Variants in AOC1 observed in about 807,000 individuals in gnomAD.
The protein encoded by AOC1 is diamine oxidase [copper-containing].
Under a neutral mutation model 57.1 loss-of-function variants are expected in AOC1, and 58 were observed. The observed-to-expected ratio is 1.02, with a 90% confidence interval of 0.82 to 1.26. The LOEUF (loss-of-function observed/expected upper bound fraction) is 1.26. Ranked by LOEUF, AOC1 falls within the 50% of genes most tolerant of loss-of-function variation. AOC1 has a pLI of 0.00. For missense variants in AOC1, 917 were observed against 1,005.3 expected (o/e 0.91, Z 1.19); for synonymous variants, 401 against 423.4 (o/e 0.95, Z 0.65).
In AOC1 at chr7:150,857,798, C is replaced by A. The variant is rs766971033; in HGVS notation, c.1328C>A (p.Ala443Glu). Reference protein sequence around the residue: ...SNFKGGFNFYAGLKGQVLVLR... With the variant: ...SNFKGGFNFYEGLKGQVLVLR... ...TTTAAAGGTGGCTTCAACTTCTATGCGGGGCTGAAGGGCCAGGTGCTGGTG... is the reference window on the plus strand; with the variant it reads ...TTTAAAGGTGGCTTCAACTTCTATGAGGGGCTGAAGGGCCAGGTGCTGGTG... Residue 443 changes from alanine (A) to glutamate (E), a missense_variant, in exon 2 of 5, where the codon GCG becomes GAG. Physicochemically the swap from Ala to Glu is moderately radical, Grantham distance 107. Coordinates refer to ENST00000360937, the MANE Select transcript of AOC1 (RefSeq NM_001091.4). The surrounding 1 kb of genome is among the most constrained non-coding windows in gnomAD (Gnocchi z 6.6). 2.5e-6 allele frequency: 4 copies of A among 1,614,206 alleles called. No homozygotes were observed. Among genetic ancestry groups the A allele is most frequent in the Non-Finnish European group, 3.4e-6 (4 of 1,180,006 alleles).
intron 3 of AOC1, 91 bp from the exon 4 acceptor site, chr7:150,860,410 C>T: frequency 6.3e-7 from 1 of 1,597,374 alleles, no homozygotes; most frequent in Non-Finnish European, 8.5e-7. Flanking sequence ...AATCATCTTC[C>T]TCTATTCTGA....
intron 2 of AOC1, 40 bp from the exon 3 acceptor site, chr7:150,858,723 C>T (rs1258033102): frequency 1.3e-6 from 2 of 1,553,464 alleles, no homozygotes; most frequent in African/African-American, 1.4e-5. Context: ...TCAGTTCTGG[C>T]AGCTTGATTC....
At position 150,856,434 on chromosome 7, in the gene AOC1, A is replaced by T. The variant is rs777872837; in HGVS notation, c.-16-21A>T. 38 of 1,575,652 alleles carry T rather than the reference A, an allele frequency of 2.4e-5. No individual in the cohort carries two copies. Among genetic ancestry groups the T allele is most frequent in the Non-Finnish European group, 3.3e-5 (38 of 1,164,614 alleles). On this transcript the variant is annotated intron_variant, in intron 1 of 4. Coordinates refer to ENST00000360937, the MANE Select transcript of AOC1 (RefSeq NM_001091.4). The surrounding 1 kb of genome is among the most constrained non-coding windows in gnomAD (Gnocchi z 5.2). ...CTCTGCCCATAAGACAACTAAGTTC[A>T]TCTCCTCTATTGCATTCCAGAGCCG...
chr7:150,858,664 C>T, intron 2 of AOC1, 99 bp from the exon 3 acceptor site: 1 of 1,286,880 alleles, frequency 7.8e-7, no homozygotes, highest in Non-Finnish European at 1.1e-6. Context: ...AGACAGTTGG[C>T]TGTTGGATGT....
chr7:150,857,856 T>G lies in AOC1; in HGVS notation c.1386T>G (p.Asp462Glu). The G allele has an allele frequency of 6.2e-7, 1 of 1,613,886 alleles. No individual in the cohort carries two copies. Among genetic ancestry groups the G allele is most frequent in the Non-Finnish European group, 8.5e-7 (1 of 1,179,802 alleles). Residue 462 changes from aspartate (D) to glutamate (E), a missense_variant, in exon 2 of 5, where the codon GAT (aspartate) becomes GAG (glutamate). Coordinates refer to ENST00000360937, the MANE Select transcript of AOC1 (RefSeq NM_001091.4). This position sits in a 1 kb window ranked among gnomAD's most constrained non-coding sequence, Gnocchi z 6.6. ...CAACTTCAACTGTCTACAATTATGA[T>G]TACATTTGGGACTTTATCTTCTACC... ...LRTTSTVYNYDYIWDFIFYPN... is the reference protein window; with the variant it reads ...LRTTSTVYNYEYIWDFIFYPN...
At chr7:150,858,547 G>A (rs1461427395) in intron 2 of AOC1, among the ~76,000 whole-genome samples, 1 of 152,148 alleles carries the variant, frequency 6.6e-6, no homozygotes, top group African/African-American at 2.4e-5. Flanking sequence ...CTCTAGGATT[G>A]CAGCCACAGC....
chr7:150,855,870 C>CAAA (rs1460671836), intron 1 of AOC1, among the ~76,000 whole-genome samples: 1 of 151,384 alleles, frequency 6.6e-6, no homozygotes, highest in Non-Finnish European at 1.5e-5. Context: ...TCATTATTTT[C>CAAA]ATTTTAAAAC....
intron 1 of AOC1, among the ~76,000 whole-genome samples, chr7:150,853,699 T>TATATA (rs1554412931): frequency 4.1e-4 from 47 of 115,860 alleles, no homozygotes; most frequent in African/African-American, 7.3e-4. Context: ...ATATATATAT[T>TATATA]TATTTATTTA....
chr7:150,855,356 AG>A (rs1349800330), intron 1 of AOC1, among the ~76,000 whole-genome samples: 1 of 152,224 alleles, frequency 6.6e-6, no homozygotes, highest in Non-Finnish European at 1.5e-5. Context: ...ACAGCGCAAC[AG>A]GCAAGAGTAA....
chr7:150,860,668 C>T, intron 4 of AOC1, 35 bp downstream of exon 4: 3 of 1,601,292 alleles, frequency 1.9e-6, no homozygotes, highest in Non-Finnish European at 2.6e-6. Context: ...CCGGTGCTGG[C>T]CCTGCCTCCT....
At chr7:150,858,644 C>T (rs1008178649) in intron 2 of AOC1, 119 bp from the exon 3 acceptor site, 4 of 1,132,870 alleles carry the variant, frequency 3.5e-6, no homozygotes, top group East Asian at 2.5e-5. Context: ...CCCAACATCC[C>T]GGTTATTCAA....
At chr7:150,853,354 G>A (rs926827772) in intron 1 of AOC1, among the ~76,000 whole-genome samples, 1 of 152,086 alleles carries the variant, frequency 6.6e-6, no homozygotes, top group Non-Finnish European at 1.5e-5. Context: ...TGTAGGGGCT[G>A]TGAGTATACA....
At chr7:150,854,247 G>A (rs1563087912) in intron 1 of AOC1, 1 of 152,190 alleles carries the variant, frequency 6.6e-6, no homozygotes, top group African/African-American at 2.4e-5. Flanking sequence ...GGCAACTAGA[G>A]GGACATCCCC....
intron 3 of AOC1, among the ~76,000 whole-genome samples, chr7:150,859,420 C>G (rs914733170): frequency 2.6e-5 from 4 of 151,966 alleles, no homozygotes; most frequent in Non-Finnish European, 5.9e-5. Flanking sequence ...TAATAAAATC[C>G]TGGCCGGGCA....
chr7:150,859,702 CAA>C (rs71196733), intron 3 of AOC1: 2,542 of 103,942 alleles, frequency 0.024, 79 homozygotes, highest in African/African-American at 0.084. Context: ...GACTAGTTCT[CAA>C]AAAAAAAAAA....
intron 1 of AOC1, among the ~76,000 whole-genome samples, chr7:150,853,555 T>C (rs1418215156): frequency 6.7e-6 from 1 of 149,202 alleles, no homozygotes; most frequent in East Asian, 1.9e-4. Context: ...AAAAGTCTAT[T>C]AAAAAAAAAG....
chr7:150,858,511 T>C (rs1014112204), intron 2 of AOC1, among the ~76,000 whole-genome samples: 1 of 152,088 alleles, frequency 6.6e-6, no homozygotes, highest in Non-Finnish European at 1.5e-5. Context: ...GAGCCTCCCA[T>C]GCCTGGAGAA....
chr7:150,856,314 A>G lies in AOC1; in HGVS notation c.-16-141A>G. 9.0e-7 allele frequency: 1 copy of G among 1,108,676 alleles called. No homozygotes were observed. The highest frequency in any genetic ancestry group is 1.3e-6 in the Non-Finnish European group (1 of 799,904). The allele number at this position is 1,108,676 out of a possible 1,614,324, so 68.7% of individuals were successfully genotyped here. On this transcript the variant is annotated intron_variant, in intron 1 of 4. Transcript: ENST00000360937. This position sits in a 1 kb window ranked among gnomAD's most constrained non-coding sequence, Gnocchi z 5.2. ...CGCTGGGGACTATGCATGGGGCCCC[A>G]GCTGCCCCAGGACAGCCTCCAGCTT... is the stretch of plus-strand genomic sequence containing the variant.
chr7:150,858,861 ACGCAGTACTCCTGGGAGCGCCAGG>A lies in AOC1; in HGVS notation c.1672_1695del (p.Gln558_Ala565del), dbSNP rs1330800752. 6 of 1,613,924 alleles carry A rather than the reference ACGCAGTACTCCTGGGAGCGCCAGG, an allele frequency of 3.7e-6. No homozygotes were observed. The highest frequency in any genetic ancestry group is 5.1e-6 in the Non-Finnish European group (6 of 1,179,948). On this transcript the variant is annotated inframe_deletion, in exon 3 of 5. Coordinates refer to ENST00000360937, the MANE Select transcript of AOC1 (RefSeq NM_001091.4). ...CGTGGTCCAGCCAACTCTGGAGCAG[ACGCAGTACTCCTGGGAGCGCCAGG>A]CGGCCTTCCGCTTCAAAAGGAAGCT...
Sources: allele counts gnomAD v4.1 joint callset (sites outside exome capture counted in the v4.1 genomes callset), GRCh38; gene constraint gnomAD v4.1.1; non-coding constraint Gnocchi (gnomAD v3.1); transcripts MANE v1.5; gene names NCBI Gene and HGNC (gene_info 2026-07-23, HGNC 2026-07-21).